Variants in FBXL14 observed in about 807,000 individuals in gnomAD.
The protein encoded by FBXL14 is F-box and leucine rich repeat protein 14.
In FBXL14, 11 loss-of-function variants were observed where a neutral mutation model predicts 24.5. The ratio of observed to expected loss-of-function variants is 0.45; its 90% confidence interval spans 0.28 to 0.74. The LOEUF is 0.74. Ranked by LOEUF, FBXL14 falls within the 30% of genes least tolerant of loss-of-function variation. The probability of loss-of-function intolerance (pLI) is 0.12; values close to 1 mark genes in which losing one functional copy is unlikely to be tolerated. For synonymous variants in FBXL14, 294 were observed against 240.4 expected (o/e 1.22, Z -2.06); for missense variants, 384 against 545.6 (o/e 0.70, Z 2.95).
upstream of FBXL14, among the ~76,000 whole-genome samples, chr12:1,594,836 C>T (rs930358017): frequency 4.0e-5 from 6 of 151,756 alleles, no homozygotes; most frequent in African/African-American, 1.4e-4. Flanking sequence ...GCGTCCCCTC[C>T]GCCGCTCCCG....
rs767361885 is a variant in FBXL14 at position 1,594,095 on chromosome 12, G to A, written c.-29C>T. 1.5e-6 allele frequency: 2 copies of A among 1,371,864 alleles called. No homozygotes were observed. Among genetic ancestry groups the A allele is most frequent in the Non-Finnish European group, 1.9e-6 (2 of 1,068,908 alleles). The allele number at this position is 1,371,864 out of a possible 1,614,324, so 85.0% of individuals were successfully genotyped here. ...CCTCCTCCCCCCTCCGCGGCGCTGG[G>A]GGGAGGAGGCGCGGGCCCCGCCGCT... is the stretch of plus-strand genomic sequence containing the variant. On this transcript the variant is annotated 5_prime_UTR_variant, in exon 1 of 2. Coordinates refer to ENST00000339235, the MANE Select transcript of FBXL14 (RefSeq NM_152441.3).
chr12:1,589,004 C>A (rs761161740), intron 1 of FBXL14, among the ~76,000 whole-genome samples: 1 of 151,096 alleles, frequency 6.6e-6, no homozygotes, highest in Admixed American at 6.6e-5. Context: ...AAACAGCTAC[C>A]GTTCACTTCT....
intron 1 of FBXL14, among the ~76,000 whole-genome samples, chr12:1,575,183 T>C (rs1188865074): frequency 6.6e-6 from 1 of 152,226 alleles, no homozygotes; most frequent in Non-Finnish European, 1.5e-5. Context: ...AAAAAACTTC[T>C]ATTTAAATAA....
chr12:1,589,482 A>G (rs377512189), intron 1 of FBXL14, among the ~76,000 whole-genome samples: 1,782 of 130,890 alleles, frequency 0.014, 131 homozygotes, highest in African/African-American at 0.051. Flanking sequence ...GACAGGAAGG[A>G]AGGGAGGGAG....
chr12:1,588,629 CACTTAGAAAAAGA>C (rs1201394341), intron 1 of FBXL14, among the ~76,000 whole-genome samples: 2 of 152,122 alleles, frequency 1.3e-5, no homozygotes, highest in Non-Finnish European at 2.9e-5. Flanking sequence ...CACACAATGA[CACTTAGAAAAAGA>C]AGGGAAATGA....
At position 1,583,373 on chromosome 12, in the gene FBXL14, A is replaced by T. The variant is rs148040705; in HGVS notation, c.1194+9500T>A. Among the ~76,000 whole-genome samples the T allele has an allele frequency of 2.7e-3, 400 of 150,634 alleles. 1 individual carries two copies. The highest frequency in any genetic ancestry group is 9.4e-3 in the African/African-American group (376 of 40,156). On this transcript the variant is annotated intron_variant, in intron 1 of 1. Coordinates refer to ENST00000339235, the MANE Select transcript of FBXL14 (RefSeq NM_152441.3). Reference sequence around the variant, plus strand: ...GAAGTGCCCTTTAAGAAGAATTAGAAGTTTAAAGAGAAAAAAAAAAAAGCA... The same window carrying T: ...GAAGTGCCCTTTAAGAAGAATTAGATGTTTAAAGAGAAAAAAAAAAAAGCA...
intron 1 of FBXL14, among the ~76,000 whole-genome samples, chr12:1,573,011 C>T (rs10773961): frequency 0.86 from 130,620 of 152,170 alleles, 57,237 homozygotes; most frequent in Non-Finnish European, 0.93. Context: ...TTATGGAGGC[C>T]GTAAATCTGG....
intron 1 of FBXL14, among the ~76,000 whole-genome samples, chr12:1,575,698 G>A (rs2094454545): frequency 6.6e-6 from 1 of 152,136 alleles, no homozygotes; most frequent in African/African-American, 2.4e-5. Flanking sequence ...AGGATCTGCA[G>A]CCAACAGGCG....
chr12:1,574,001 GTCTCAAAAAAAAGA>G (rs2094450386), intron 1 of FBXL14, among the ~76,000 whole-genome samples: 2 of 148,412 alleles, frequency 1.3e-5, no homozygotes, highest in African/African-American at 5.0e-5. Context: ...GCGAAACTCC[GTCTCAAAAAAAAGA>G]AAAAAAAAAA....
chr12:1,583,488 A>C (rs549783944), intron 1 of FBXL14, among the ~76,000 whole-genome samples: 2 of 152,328 alleles, frequency 1.3e-5, no homozygotes, highest in East Asian at 3.9e-4. Flanking sequence ...CTGATATTTT[A>C]AAATTCAATT....
rs577325408 is a variant in FBXL14, at chr12:1,594,019, G to A, written c.48C>T (p.Ile16=). The A allele has an allele frequency of 5.1e-6, 8 of 1,571,412 alleles. No individual in the cohort carries two copies. The highest frequency in any genetic ancestry group is 2.7e-5 in the African/African-American group (2 of 74,444). Residue 16 remains isoleucine, a synonymous_variant, in exon 1 of 2, where the codon ATC becomes ATT. Coordinates refer to ENST00000339235, the MANE Select transcript of FBXL14 (RefSeq NM_152441.3). ...TGTCCCGGACGTCCAGGTAGCCGAA[G>A]ATCATGGCCAGCAGCTCCGGGAACA... ...SCLFPELLAM[I]FGYLDVRDKG...
chr12:1,566,860 C>G, intron 1 of FBXL14, 50 bp from the exon 2 acceptor site: 2 of 777,786 alleles, frequency 2.6e-6, no homozygotes, highest in Non-Finnish European at 4.8e-6. Context: ...CTGCCGCACT[C>G]TGCTCTTCCT....
intron 1 of FBXL14, 81 bp downstream of exon 1, chr12:1,592,792 G>A: frequency 1.7e-6 from 2 of 1,184,878 alleles, no homozygotes; most frequent in Admixed American, 2.4e-5. Flanking sequence ...GTAAGTGTGC[G>A]TGTGAGTGTG....
chr12:1,572,876 C>A (rs772104896), intron 1 of FBXL14, among the ~76,000 whole-genome samples: 2 of 152,012 alleles, frequency 1.3e-5, no homozygotes, highest in African/African-American at 4.8e-5. Flanking sequence ...GGAAATAATG[C>A]GGTCAGAATC....
At chr12:1,584,757 T>C (rs1034095522) in intron 1 of FBXL14, among the ~76,000 whole-genome samples, 1 of 152,232 alleles carries the variant, frequency 6.6e-6, no homozygotes, top group Non-Finnish European at 1.5e-5. Context: ...TTAGGAAAGG[T>C]AGAAATTGTC....
intron 1 of FBXL14, among the ~76,000 whole-genome samples, chr12:1,588,406 G>T (rs1308580541): frequency 6.6e-6 from 1 of 152,124 alleles, no homozygotes; most frequent in Non-Finnish European, 1.5e-5. Context: ...AAAGAAAAAG[G>T]AACGTTTGCT....
chr12:1,567,741 G>A lies in FBXL14; in HGVS notation c.1195-931C>T, dbSNP rs1348326194. 1.3e-5 allele frequency among the ~76,000 whole-genome samples: 2 copies of A among 152,228 alleles called. No individual in the cohort carries two copies. The highest frequency in any genetic ancestry group is 4.8e-5 in the African/African-American group (2 of 41,452). On this transcript the variant is annotated intron_variant, in intron 1 of 1. Transcript: ENST00000339235. This position sits in a 1 kb window ranked among gnomAD's most constrained non-coding sequence, Gnocchi z 4.8. The stretch of plus-strand genomic sequence containing the variant: ...AATGAAGTGACAGAGAGCAAAGCAC[G>A]GTGACGGAAATGAAGAATGCCGCTG...
At chr12:1,576,742 C>T (rs566453560) in intron 1 of FBXL14, among the ~76,000 whole-genome samples, 1 of 152,162 alleles carries the variant, frequency 6.6e-6, no homozygotes, top group Non-Finnish European at 1.5e-5. Flanking sequence ...GACCTCCATA[C>T]GCGTAAGTGG....
intron 1 of FBXL14, among the ~76,000 whole-genome samples, chr12:1,590,433 T>C (rs2094486849): frequency 6.6e-6 from 1 of 152,172 alleles, no homozygotes; most frequent in Non-Finnish European, 1.5e-5. Flanking sequence ...CTGAGATCAG[T>C]ATTTTTTTTA....
Sources: allele counts gnomAD v4.1 joint callset (sites outside exome capture counted in the v4.1 genomes callset), GRCh38; gene constraint gnomAD v4.1.1; non-coding constraint Gnocchi (gnomAD v3.1); transcripts MANE v1.5; gene names NCBI Gene and HGNC (gene_info 2026-07-23, HGNC 2026-07-21).